Variants in BCAR3 observed in about 807,000 individuals in gnomAD.
BCAR3 encodes the protein breast cancer anti-estrogen resistance protein 3.
In BCAR3, 37 loss-of-function variants were observed where a neutral mutation model predicts 80.1. The ratio of observed to expected loss-of-function variants is 0.46; its 90% CI spans 0.36 to 0.61. The LOEUF is 0.61. Ranked by LOEUF, BCAR3 falls within the 20% of genes least tolerant of loss-of-function variation. BCAR3 has a pLI of 0.00. For synonymous variants in BCAR3, 389 were observed against 418.9 expected (o/e 0.93, Z 0.87); for missense variants, 978 against 1,068.2 (o/e 0.92, Z 1.18).
intron 2 of BCAR3, among the ~76,000 whole-genome samples, chr1:93,666,959 G>T (rs1647947385): frequency 6.6e-6 from 1 of 152,142 alleles, no homozygotes; most frequent in Admixed American, 6.6e-5. Context: ...CTTCCAGGAG[G>T]AAGGAAGGAA....
chr1:93,572,538 G>A (rs1673260624), intron 8 of BCAR3, among the ~76,000 whole-genome samples: 1 of 152,160 alleles, frequency 6.6e-6, no homozygotes, highest in South Asian at 2.1e-4. Context: ...CAACCTCAGA[G>A]ACCCAAAACA....
In BCAR3 at chr1:93,671,918, T is replaced by C. The variant is rs118060037; in HGVS notation, c.317+2696A>G. Among the ~76,000 whole-genome samples, 112 of 152,284 alleles carry C rather than the reference T, an allele frequency of 7.4e-4. 2 individuals carry two copies. In the East Asian group the frequency reaches 0.021, roughly 28 times the overall value. Reference sequence around the variant, plus strand: ...TGTGTTAGAGAAATAAATATATTAATAGTAGTACAGAGCAGGGTAGGACTT... The same window carrying C: ...TGTGTTAGAGAAATAAATATATTAACAGTAGTACAGAGCAGGGTAGGACTT... On this transcript the variant is annotated intron_variant, in intron 2 of 11. Transcript: ENST00000260502.
chr1:93,746,888 C>G (rs567221240), intron 2 of BCAR3, among the ~76,000 whole-genome samples: 4 of 152,128 alleles, frequency 2.6e-5, no homozygotes, highest in Non-Finnish European at 5.9e-5. Context: ...TGCTCAAAGC[C>G]CTCTCTTCCC....
chr1:93,620,101 C>G (rs1234410707), intron 3 of BCAR3, among the ~76,000 whole-genome samples: 2 of 152,158 alleles, frequency 1.3e-5, no homozygotes, highest in Non-Finnish European at 2.9e-5. Context: ...ACTGTACTCG[C>G]AGGGCACACG....
At position 93,586,434 on chromosome 1, in the gene BCAR3, C is replaced by A. The variant is rs956478626; in HGVS notation, c.930-2313G>T. Among the ~76,000 whole-genome samples, 1 of 152,318 alleles carries A rather than the reference C, an allele frequency of 6.6e-6. No homozygotes were observed. The highest frequency in any genetic ancestry group is 2.4e-5 in the African/African-American group (1 of 41,574). On this transcript the variant is annotated intron_variant, in intron 5 of 11. Transcript: ENST00000260502. This position sits in a 1 kb window ranked among gnomAD's most constrained non-coding sequence, Gnocchi z 4.2. ...CTCCACTGTGTATATACACATTTCC[C>A]TTATCTATTCAGCTGTTGATGGACA...
intron 2 of BCAR3, among the ~76,000 whole-genome samples, chr1:93,653,715 G>A (rs1647225162): frequency 6.6e-6 from 1 of 152,204 alleles, no homozygotes; most frequent in Non-Finnish European, 1.5e-5. Context: ...GAAACACTGT[G>A]GAGAGGCCTC....
At chr1:93,685,138 T>C (rs1648926643), upstream of BCAR3, among the ~76,000 whole-genome samples, 1 of 152,174 alleles carries the variant, frequency 6.6e-6, no homozygotes, top group Admixed American at 6.5e-5. Context: ...ATGTTAATGG[T>C]TTAATAGTGG....
chr1:93,775,990 C>T lies in BCAR3; in HGVS notation c.-63+69577G>A, dbSNP rs1335514008. 6.6e-5 allele frequency among the ~76,000 whole-genome samples: 10 copies of T among 152,222 alleles called. No individual in the cohort carries two copies. The South Asian group carries it at 2.1e-3, about 32-fold the overall frequency. Reference sequence around the variant, plus strand: ...GGGTTTTGAAAAATTCCTTTCTTGCCTAATGAAAAGTATTCTCGTCAGCTA... The same window carrying T: ...GGGTTTTGAAAAATTCCTTTCTTGCTTAATGAAAAGTATTCTCGTCAGCTA... On this transcript the variant is annotated intron_variant, in intron 2 of 13. Coordinates refer to the BCAR3 transcript ENST00000370244.
chr1:93,617,209 A>C (rs1413629161), intron 3 of BCAR3, among the ~76,000 whole-genome samples: 6 of 152,220 alleles, frequency 3.9e-5, no homozygotes, highest in Non-Finnish European at 2.9e-5. Flanking sequence ...GAGTGAGTGC[A>C]GAGTCCTTTT....
chr1:93,780,975 G>A (rs929891508), intron 2 of BCAR3, among the ~76,000 whole-genome samples: 1 of 152,178 alleles, frequency 6.6e-6, no homozygotes, highest in Non-Finnish European at 1.5e-5. Context: ...TGGGTCAAGT[G>A]GGGCTGGCTT....
chr1:93,671,487 T>G (rs1018629338), intron 2 of BCAR3, among the ~76,000 whole-genome samples: 5 of 152,086 alleles, frequency 3.3e-5, no homozygotes, highest in African/African-American at 1.2e-4. Flanking sequence ...ATACCCAACA[T>G]GATGAGATGC....
intron 7 of BCAR3, among the ~76,000 whole-genome samples, chr1:93,576,793 T>A (rs1673477056): frequency 6.6e-6 from 1 of 152,236 alleles, no homozygotes; most frequent in Non-Finnish European, 1.5e-5. Flanking sequence ...TCTCAGTTTA[T>A]TAGAATCAGG....
At chr1:93,568,267 C>G (rs928402915) in intron 9 of BCAR3, 10 of 158,562 alleles carry the variant, frequency 6.3e-5, no homozygotes, top group African/African-American at 1.9e-4. Flanking sequence ...GTAAAAATGT[C>G]AAAGTGTCTG....
intron 2 of BCAR3, among the ~76,000 whole-genome samples, chr1:93,833,678 G>T (rs1654660772): frequency 6.6e-6 from 1 of 152,074 alleles, no homozygotes; most frequent in Non-Finnish European, 1.5e-5. Flanking sequence ...GTTCTGCCTG[G>T]CCCCACAGGC....
chr1:93,839,457 G>A (rs1353608524), intron 2 of BCAR3, among the ~76,000 whole-genome samples: 1 of 152,182 alleles, frequency 6.6e-6, no homozygotes, highest in Non-Finnish European at 1.5e-5. Context: ...CAGAAGTTGT[G>A]AAAGCTTAGA....
intron 2 of BCAR3, among the ~76,000 whole-genome samples, chr1:93,843,317 C>G (rs993178926): frequency 7.2e-5 from 11 of 152,184 alleles, no homozygotes; most frequent in Non-Finnish European, 1.6e-4. Flanking sequence ...GATGCTGTAT[C>G]TGTACTGTCC....
chr1:93,785,080 T>A (rs1190779941), intron 2 of BCAR3, among the ~76,000 whole-genome samples: 1 of 152,170 alleles, frequency 6.6e-6, no homozygotes, highest in Non-Finnish European at 1.5e-5. Context: ...TTGGGGCATA[T>A]CATTCATTTC....
intron 3 of BCAR3, among the ~76,000 whole-genome samples, chr1:93,596,138 T>C (rs1227915094): frequency 6.6e-6 from 1 of 152,224 alleles, no homozygotes; most frequent in East Asian, 1.9e-4. Flanking sequence ...ATTCTACGAA[T>C]GCCCTAAGAA....
intron 2 of BCAR3, among the ~76,000 whole-genome samples, chr1:93,711,467 G>GTA (rs1650019938): frequency 6.6e-6 from 1 of 152,176 alleles, no homozygotes; most frequent in Admixed American, 6.5e-5. Flanking sequence ...GAATGGATAG[G>GTA]TATGAGGCCT....
Sources: gnomAD v4.1 joint callset for allele counts (sites outside exome capture counted in the v4.1 genomes callset) on GRCh38, gnomAD v4.1.1 for gene constraint, Gnocchi (gnomAD v3.1) non-coding constraint, MANE v1.5 for transcripts, NCBI Gene and HGNC (gene_info 2026-07-23, HGNC 2026-07-21) for gene names.